Variants in IGFL2 observed in about 807,000 individuals in gnomAD.
The protein encoded by IGFL2 is IGF like family member 2.
IGFL2 carries 7 observed loss-of-function variants against 13.9 expected under a neutral mutation model. The ratio of observed to expected loss-of-function variants is 0.51; its 90% confidence interval spans 0.29 to 0.95. IGFL2 has a LOEUF of 0.95. Ranked by LOEUF, IGFL2 falls within the 40% of genes least tolerant of loss-of-function variation. The pLI is 0.08. For synonymous variants in IGFL2, 55 were observed against 55.8 expected (o/e 0.99, Z 0.07); for missense variants, 138 against 147.8 (o/e 0.93, Z 0.34).
At chr19:46,095,809 T>C in the IGFL2 span, among the ~76,000 whole-genome samples, 1 of 152,208 alleles carries the variant, frequency 6.6e-6, no homozygotes, top group Non-Finnish European at 1.5e-5. Context: ...ATTGCTTGTC[T>C]GTGTCAGGTT....
chr19:46,175,430 A>G, the IGFL2 span, among the ~76,000 whole-genome samples: 8 of 152,214 alleles, frequency 5.3e-5, no homozygotes, highest in Admixed American at 5.2e-4. Context: ...CAGGGCAGGG[A>G]ATAGAGTTGA....
chr19:46,085,216 A>G, the IGFL2 span, among the ~76,000 whole-genome samples: 2 of 152,060 alleles, frequency 1.3e-5, no homozygotes, highest in African/African-American at 4.8e-5. Context: ...ACAGAGTGAG[A>G]CTCCAGCTCA....
chr19:46,152,486 G>A (rs1973557800), intron 1 of IGFL2, among the ~76,000 whole-genome samples: 2 of 152,032 alleles, frequency 1.3e-5, no homozygotes, highest in South Asian at 4.1e-4. Context: ...GTCTCGCTAT[G>A]TTGACCAAGC....
At chr19:46,085,793 A>G in the IGFL2 span, among the ~76,000 whole-genome samples, 1 of 152,164 alleles carries the variant, frequency 6.6e-6, no homozygotes, top group Non-Finnish European at 1.5e-5. Flanking sequence ...CACTCCCTTA[A>G]GGAACTCTTG....
chr19:46,106,590 T>C, the IGFL2 span, among the ~76,000 whole-genome samples: 1 of 151,694 alleles, frequency 6.6e-6, no homozygotes, highest in Admixed American at 6.6e-5. Context: ...GATAGGAGAG[T>C]ATATGGGTTT....
chr19:46,078,581 C>G, the IGFL2 span, among the ~76,000 whole-genome samples: 1 of 152,200 alleles, frequency 6.6e-6, no homozygotes, highest in Non-Finnish European at 1.5e-5. Context: ...ACCCATTGGT[C>G]TTTTTTGTCC....
chr19:46,211,717 C>G, the IGFL2 span: 18 of 152,340 alleles, frequency 1.2e-4, no homozygotes, highest in East Asian at 2.9e-3. Flanking sequence ...AGGCAAGAAC[C>G]CAGGTCTCCT....
the IGFL2 span, chr19:46,207,150 T>G: frequency 6.6e-6 from 1 of 152,246 alleles, no homozygotes; most frequent in Non-Finnish European, 1.5e-5. Flanking sequence ...GGAGCTTCCC[T>G]GGCCTTCCTG....
chr19:46,134,816 C>G, the IGFL2 span, among the ~76,000 whole-genome samples: 128 of 152,290 alleles, frequency 8.4e-4, 1 homozygote, highest in Middle Eastern at 0.017. Context: ...TTCCTAAAAG[C>G]AGACACACTG....
At chr19:46,182,626 CTTG>C in the IGFL2 span, among the ~76,000 whole-genome samples, 4 of 152,258 alleles carry the variant, frequency 2.6e-5, no homozygotes, top group Admixed American at 6.5e-5. Context: ...GTGCACTGAA[CTTG>C]TTGTGTGAGT....
the IGFL2 span, among the ~76,000 whole-genome samples, chr19:46,177,549 C>G: frequency 6.6e-6 from 1 of 152,142 alleles, no homozygotes; most frequent in Admixed American, 6.5e-5. Flanking sequence ...ATCAGGCCAT[C>G]AAAGAATGAG....
At chr19:46,079,631 A>G in the IGFL2 span, among the ~76,000 whole-genome samples, 2 of 152,086 alleles carry the variant, frequency 1.3e-5, no homozygotes, top group Admixed American at 1.3e-4. Flanking sequence ...AATGGCAGGT[A>G]CTCATCTGCT....
the IGFL2 span, among the ~76,000 whole-genome samples, chr19:46,200,473 C>CCTTTTTT: frequency 1.5e-5 from 2 of 134,278 alleles, no homozygotes; most frequent in Admixed American, 7.8e-5. Flanking sequence ...CACACCTGGC[C>CCTTTTTT]CTTTTCTTTT....
At chr19:46,187,790 C>T in the IGFL2 span, among the ~76,000 whole-genome samples, 11 of 139,012 alleles carry the variant, frequency 7.9e-5, no homozygotes, top group Non-Finnish European at 1.2e-4. Flanking sequence ...AGCATTAACC[C>T]GTTTAAACCT....
intron 1 of IGFL2, chr19:46,158,966 G>C (rs910523028): frequency 2.0e-5 from 3 of 152,184 alleles, no homozygotes; most frequent in Admixed American, 6.5e-5. Context: ...ATAGGCATTG[G>C]TTTACCTTGT....
At chr19:46,124,388 A>C in the IGFL2 span, 2 of 1,485,174 alleles carry the variant, frequency 1.3e-6, no homozygotes, top group Non-Finnish European at 1.9e-6. Context: ...AAAACAAACA[A>C]ACAAACAAAC....
chr19:46,212,092 A>G, the IGFL2 span: 86 of 152,224 alleles, frequency 5.6e-4, no homozygotes, highest in Middle Eastern at 3.4e-3. Context: ...CTTATGCCCA[A>G]CTGATGGTTT....
chr19:46,190,260 G>A, the IGFL2 span: 2 of 152,174 alleles, frequency 1.3e-5, no homozygotes, highest in Non-Finnish European at 2.9e-5. Context: ...CTGGATTCTG[G>A]TTCATCTACA....
At chr19:46,121,955 A>G in the IGFL2 span, among the ~76,000 whole-genome samples, 1 of 151,082 alleles carries the variant, frequency 6.6e-6, no homozygotes, top group Non-Finnish European at 1.5e-5. Context: ...TTTAAAATGT[A>G]AAAATGTAAA....
Sources: allele counts gnomAD v4.1 joint callset (sites outside exome capture counted in the v4.1 genomes callset), GRCh38; gene constraint gnomAD v4.1.1; transcripts MANE v1.5; gene names NCBI Gene and HGNC (gene_info 2026-07-23, HGNC 2026-07-21).